GPATCH8: variants seen among roughly 807,000 people sequenced by gnomAD.
The protein encoded by GPATCH8 is G patch domain-containing protein 8.
GPATCH8 carries 18 observed loss-of-function variants against 118.3 expected under a neutral mutation model. That is an observed-to-expected ratio of 0.15 (90% CI 0.11 to 0.23). GPATCH8 has a LOEUF of 0.23. Among genes scored for constraint, GPATCH8 ranks in the 10% least tolerant of loss-of-function variants. The probability of loss-of-function intolerance (pLI) is 1.00; values close to 1 mark genes in which losing one functional copy is unlikely to be tolerated. For missense variants in GPATCH8, 1,631 were observed against 1,873.8 expected (o/e 0.87, Z 2.39); for synonymous variants, 659 against 684.7 (o/e 0.96, Z 0.59).
In GPATCH8 at chr17:44,419,562, T is replaced by C. The variant is rs966263451; in HGVS notation, c.492+4787A>G. Among the ~76,000 whole-genome samples the C allele has an allele frequency of 3.3e-5, 5 of 152,068 alleles. No homozygotes were observed. In the East Asian group the frequency reaches 5.8e-4, roughly 18 times the overall value. ...GGTATAGTGGCATGATCACAGCTTA[T>C]TGCAACCTCAAACTCCTGGGCTCAA... is the stretch of plus-strand genomic sequence containing the variant. On this transcript the variant is annotated intron_variant, in intron 6 of 7. Coordinates refer to ENST00000591680, the MANE Select transcript of GPATCH8 (RefSeq NM_001002909.4).
At chr17:44,413,090 G>C (rs937210873) in intron 6 of GPATCH8, among the ~76,000 whole-genome samples, 5 of 152,166 alleles carry the variant, frequency 3.3e-5, no homozygotes, top group African/African-American at 1.2e-4. Flanking sequence ...AATGGTTAGG[G>C]AAAGCCACGT....
chr17:44,452,954 G>T (rs948067750), intron 3 of GPATCH8, among the ~76,000 whole-genome samples: 2 of 151,904 alleles, frequency 1.3e-5, no homozygotes, highest in East Asian at 3.9e-4. Context: ...CATTCTCCCA[G>T]GTGGCTGGGA....
chr17:44,483,803 G>A (rs1465587805), intron 1 of GPATCH8, among the ~76,000 whole-genome samples: 3 of 146,512 alleles, frequency 2.0e-5, no homozygotes, highest in Non-Finnish European at 4.5e-5. Flanking sequence ...TACCAGGCTC[G>A]GCTAATTTTT....
At chr17:44,435,041 C>T in intron 5 of GPATCH8, 24 bp downstream of exon 5, 1 of 985,602 alleles carries the variant, frequency 1.0e-6, no homozygotes, top group Non-Finnish European at 1.7e-6. Context: ...CCCCATCTCC[C>T]AATGAATAGC....
At chr17:44,492,935 A>T (rs1321971586) in intron 1 of GPATCH8, among the ~76,000 whole-genome samples, 2 of 152,180 alleles carry the variant, frequency 1.3e-5, no homozygotes, top group Non-Finnish European at 2.9e-5. Context: ...TAATGTTTGG[A>T]AAATGGAATG....
chr17:44,405,706 G>C (rs980009772), intron 7 of GPATCH8, among the ~76,000 whole-genome samples: 1 of 151,592 alleles, frequency 6.6e-6, no homozygotes. Flanking sequence ...GGGTTTCACC[G>C]TATTAGCCAG....
In GPATCH8 at chr17:44,435,165, G is replaced by C. The variant is rs761281223; in HGVS notation, c.262-14C>G. 5.1e-6 allele frequency: 6 copies of C among 1,176,752 alleles called. No individual in the cohort carries two copies. Among genetic ancestry groups the C allele is most frequent in the South Asian group, 2.4e-5 (2 of 82,324 alleles). The allele number at this position is 1,176,752 out of a possible 1,614,324, so 72.9% of individuals were successfully genotyped here. A position where few individuals can be genotyped will look rare whatever the true frequency, so the allele number is the denominator to read the frequency against. ...AGCATAATCAAGCTTGACAAAAATAGATATGATTAGATTTAATTCCTAAAG... is the reference window on the plus strand; with the variant it reads ...AGCATAATCAAGCTTGACAAAAATACATATGATTAGATTTAATTCCTAAAG... On this transcript the variant is annotated splice_polypyrimidine_tract_variant and intron_variant, in intron 4 of 7. Transcript: ENST00000591680.
chr17:44,493,570 A>G (rs1444636109), intron 1 of GPATCH8, among the ~76,000 whole-genome samples: 2 of 152,152 alleles, frequency 1.3e-5, no homozygotes, highest in African/African-American at 4.8e-5. Context: ...AGGCCAATCT[A>G]TATACCACAA....
intron 5 of GPATCH8, among the ~76,000 whole-genome samples, chr17:44,434,564 G>A (rs1174508624): frequency 1.3e-5 from 2 of 152,058 alleles, no homozygotes; most frequent in African/African-American, 4.8e-5. Context: ...ATTAGGCTTG[G>A]CGTGGTGGCT....
intron 1 of GPATCH8, chr17:44,486,004 C>T (rs1321772143): frequency 6.6e-6 from 1 of 152,220 alleles, no homozygotes. Context: ...AACTGATTCT[C>T]CTACCTCAGC....
At chr17:44,486,191 A>G (rs1421849143) in intron 1 of GPATCH8, 1 of 152,196 alleles carries the variant, frequency 6.6e-6, no homozygotes, top group Non-Finnish European at 1.5e-5. Context: ...AAGTTAACCA[A>G]GGTAAAGACT....
intron 1 of GPATCH8, among the ~76,000 whole-genome samples, chr17:44,483,973 C>G (rs538366726): frequency 6.6e-6 from 1 of 152,230 alleles, no homozygotes; most frequent in Admixed American, 6.5e-5. Context: ...TCCCGAGTAG[C>G]TAGGACTATA....
intron 1 of GPATCH8, among the ~76,000 whole-genome samples, chr17:44,488,435 C>G (rs748213877): frequency 4.3e-4 from 66 of 151,826 alleles, no homozygotes; most frequent in Admixed American, 3.7e-3. Context: ...GTGGCATGAT[C>G]TCGGCTCACT....
In GPATCH8 at chr17:44,399,997, C is replaced by T. The variant is rs767810932; in HGVS notation, c.2080G>A (p.Asp694Asn). 1 of 1,614,072 alleles carries T rather than the reference C, an allele frequency of 6.2e-7. No homozygotes were observed. Among genetic ancestry groups the T allele is most frequent in the South Asian group, 1.1e-5 (1 of 91,066 alleles). Residue 694 changes from aspartate (D) to asparagine (N), a missense_variant, in exon 8 of 8, where the codon GAC (aspartate) becomes AAC (asparagine). Asp to Asn is a conservative substitution (Grantham distance 23). This residue lies in a region of GPATCH8 where 922 missense variants were observed against 879.7 expected (regional missense o/e 1.05). Coordinates refer to ENST00000591680, the MANE Select transcript of GPATCH8 (RefSeq NM_001002909.4). ...SSKHKRKHKA[D>N]TEEKSSKAES... ...GCCTTAGAGCTTTTCTCTTCTGTGTCAGCCTTGTGTTTACGTTTGTGTTTG... is the reference window on the plus strand; with the variant it reads ...GCCTTAGAGCTTTTCTCTTCTGTGTTAGCCTTGTGTTTACGTTTGTGTTTG...
At chr17:44,471,164 T>G (rs1292087016) in intron 2 of GPATCH8, among the ~76,000 whole-genome samples, 3 of 152,316 alleles carry the variant, frequency 2.0e-5, no homozygotes, top group Admixed American at 2.0e-4. Context: ...AGATATCTGG[T>G]TGGTTGAAGC....
chr17:44,433,531 GTTAA>G (rs921449995), intron 5 of GPATCH8, among the ~76,000 whole-genome samples: 3 of 152,162 alleles, frequency 2.0e-5, no homozygotes, highest in Non-Finnish European at 2.9e-5. Flanking sequence ...AGGCAGAGTG[GTTAA>G]TTATTTAAAT....
rs147401321 is a variant in GPATCH8, at chr17:44,447,984, C to G, written c.194-11439G>C. On this transcript the variant is annotated intron_variant, in intron 3 of 7. Transcript: ENST00000591680. ...AGACAGGGTCTCACTCACTCTGTTG[C>G]CCCAGCTGGAGTACAGTGGCGTGAT... is the stretch of plus-strand genomic sequence containing the variant. 1.9e-4 allele frequency among the ~76,000 whole-genome samples: 29 copies of G among 152,190 alleles called. No homozygotes were observed. In the East Asian group the frequency reaches 5.4e-3, roughly 28 times the overall value.
intron 2 of GPATCH8, among the ~76,000 whole-genome samples, chr17:44,466,350 TC>T (rs1186802941): frequency 2.6e-5 from 4 of 152,124 alleles, no homozygotes; most frequent in Non-Finnish European, 5.9e-5. Flanking sequence ...AAAATTTGTT[TC>T]TAAAACAAAA....
intron 3 of GPATCH8, chr17:44,436,885 C>CAAGTT: frequency 3.3e-6 from 1 of 299,278 alleles, no homozygotes; most frequent in Non-Finnish European, 6.4e-6. Flanking sequence ...AATAACTTCC[C>CAAGTT]ATCAAGTATC....
Sources: gnomAD v4.1 joint callset for allele counts (sites outside exome capture counted in the v4.1 genomes callset) on GRCh38, gnomAD v4.1.1 for gene constraint, gnomAD v4.1.1 regional missense constraint, MANE v1.5 for transcripts, NCBI Gene and HGNC (gene_info 2026-07-23, HGNC 2026-07-21) for gene names.